MS4A7: variants seen among roughly 807,000 people sequenced by gnomAD.
MS4A7 encodes membrane spanning 4-domains A7.
A neutral mutation model predicts 23.5 loss-of-function variants in MS4A7; 21 were observed. The observed-to-expected ratio is 0.89, with a 90% CI of 0.63 to 1.29. MS4A7 has a LOEUF of 1.29. MS4A7 is among the 50% of genes most tolerant of loss of function. MS4A7 has a pLI of 0.00. For synonymous variants in MS4A7, 111 were observed against 107.4 expected, an observed-to-expected ratio of 1.03 and a Z score of -0.21; for missense variants, 263 against 274.2, an observed-to-expected ratio of 0.96 and a Z score of 0.29.
chr11:60,390,642 T>C (rs1172326109), intron 5 of MS4A7, among the ~76,000 whole-genome samples: 3 of 152,012 alleles, frequency 2.0e-5, no homozygotes, highest in Non-Finnish European at 2.9e-5. Context: ...GACAGACATG[T>C]GGTAAAGCAA....
Position 60,395,205 on chromosome 11 carries a change from A to T in MS4A7, c.*1344A>T, listed in dbSNP as rs2085602080. ...TTATCTTGTCTGTTCTTTGTGTAAT[A>T]TGTTCTGTGTGAGCCTCTGCATTAA... is the stretch of plus-strand genomic sequence containing the variant. On this transcript the variant is annotated 3_prime_UTR_variant, in exon 7 of 7. Coordinates refer to ENST00000300184, the MANE Select transcript of MS4A7 (RefSeq NM_021201.5). 1 of 334,772 alleles carries T rather than the reference A, an allele frequency of 3.0e-6. No individual in the cohort carries two copies. The highest frequency in any genetic ancestry group is 2.1e-5 in the African/African-American group (1 of 47,340). 20.7% of individuals were successfully genotyped at this position (334,772 alleles called of 1,614,324 possible).
At chr11:60,382,317 C>T (rs886876951) in intron 1 of MS4A7, among the ~76,000 whole-genome samples, 2 of 152,204 alleles carry the variant, frequency 1.3e-5, no homozygotes, top group African/African-American at 4.8e-5. Context: ...CCAGACAAGT[C>T]TCAATCCAGT....
Position 60,385,116 on chromosome 11 carries a change from T to G in MS4A7, c.176T>G (p.Ile59Ser). The part of the protein sequence containing the change: ...GTVQILCCLL[I>S]SSLGAILVFA... ...GTCCAGATCCTGTGTTGCCTGTTGATTTCAAGTCTGGGGGCCATCTTGGTT... is the reference window on the plus strand; with the variant it reads ...GTCCAGATCCTGTGTTGCCTGTTGAGTTCAAGTCTGGGGGCCATCTTGGTT... The change falls in exon 3 of 7, where the codon ATT becomes AGT. Residue 59 changes from isoleucine to serine, a missense_variant. Coordinates refer to ENST00000300184, the MANE Select transcript of MS4A7 (RefSeq NM_021201.5). 1 of 1,614,084 alleles carries G rather than the reference T, an allele frequency of 6.2e-7. No individual in the cohort carries two copies.
intron 1 of MS4A7, among the ~76,000 whole-genome samples, chr11:60,379,387 C>T (rs2085404939): frequency 6.6e-6 from 1 of 152,126 alleles, no homozygotes; most frequent in Admixed American, 6.5e-5. Flanking sequence ...ATAGAAACCA[C>T]CTAAATAGTC....
At chr11:60,387,178 C>A (rs1161171246) in intron 4 of MS4A7, among the ~76,000 whole-genome samples, 2 of 152,210 alleles carry the variant, frequency 1.3e-5, no homozygotes, top group East Asian at 3.9e-4. Context: ...TTTTTGATGC[C>A]AAATGTCCCC....
chr11:60,383,336 A>G, intron 2 of MS4A7, 48 bp downstream of exon 2: 2 of 1,602,974 alleles, frequency 1.2e-6, no homozygotes, highest in Non-Finnish European at 1.7e-6. Context: ...TACTTTGTAA[A>G]TGTATCTAGA....
intron 4 of MS4A7, among the ~76,000 whole-genome samples, chr11:60,387,195 A>G (rs1238066558): frequency 6.6e-6 from 1 of 152,124 alleles, no homozygotes; most frequent in Non-Finnish European, 1.5e-5. Flanking sequence ...CCCCATTCAT[A>G]GAGTTGGGAC....
At chr11:60,381,924 GA>G (rs2085434181) in intron 1 of MS4A7, among the ~76,000 whole-genome samples, 1 of 152,074 alleles carries the variant, frequency 6.6e-6, no homozygotes, top group African/African-American at 2.4e-5. Context: ...ACTAGGAAGA[GA>G]TTCTAGGTGT....
chr11:60,392,605 C>G (rs926611055), intron 5 of MS4A7, 80 bp from the exon 6 acceptor site: 6 of 996,364 alleles, frequency 6.0e-6, no homozygotes, highest in African/African-American at 1.6e-5. Flanking sequence ...ATTGCTGGAG[C>G]CTCATCGCCC....
chr11:60,382,034 G>A (rs991591219), intron 1 of MS4A7, among the ~76,000 whole-genome samples: 1 of 152,238 alleles, frequency 6.6e-6, no homozygotes, highest in Admixed American at 6.5e-5. Flanking sequence ...CAGCAGAGCT[G>A]TGGCACCTTT....
intron 4 of MS4A7, among the ~76,000 whole-genome samples, 170 bp downstream of exon 4, chr11:60,386,943 C>A (rs1376709717): frequency 1.3e-5 from 2 of 152,158 alleles, no homozygotes; most frequent in Admixed American, 6.5e-5. Flanking sequence ...GAGTAGAGCC[C>A]AAATTTCTTG....
chr11:60,378,724 G>A (rs1411298175), intron 1 of MS4A7, 60 bp downstream of exon 1: 3 of 152,254 alleles, frequency 2.0e-5, no homozygotes, highest in African/African-American at 7.2e-5. Context: ...TGAAAAGACA[G>A]CCAGGGAATT....
At chr11:60,388,593 CT>C (rs1423423385) in intron 4 of MS4A7, among the ~76,000 whole-genome samples, 1 of 152,162 alleles carries the variant, frequency 6.6e-6, no homozygotes, top group Non-Finnish European at 1.5e-5. Context: ...CAGGATGTGG[CT>C]TTTCCCTAAA....
In MS4A7 at chr11:60,385,235, G is replaced by C; in HGVS notation, c.282+13G>C. The stretch of plus-strand genomic sequence containing the variant: ...AGGAGCTCTGTGTGTGAGTAGAATG[G>C]GGACTCTAAGAGGGGACATGCTTTA... On this transcript the variant is annotated intron_variant, in intron 3 of 6. Transcript: ENST00000300184. The C allele has an allele frequency of 3.1e-6, 5 of 1,613,938 alleles. No individual in the cohort carries two copies. Among genetic ancestry groups the C allele is most frequent in the Non-Finnish European group, 4.2e-6 (5 of 1,179,872 alleles).
rs1184824744 is a variant in MS4A7 at position 60,389,544 on chromosome 11, A to G, written c.494A>G (p.Tyr165Cys). Residue 165 changes from tyrosine to cysteine, a missense_variant, in exon 5 of 7, where the codon TAT becomes TGT. By Grantham distance (194) the Tyr-to-Cys change is radical. Transcript: ENST00000300184. Reference sequence around the variant, plus strand: ...TCCTCATTGCCTTATTCGGAGTACTATTATCCAATATATGAAATCAAAGAT... The same window carrying G: ...TCCTCATTGCCTTATTCGGAGTACTGTTATCCAATATATGAAATCAAAGAT... ...YLSSLPYSEY[Y>C]YPIYEIKDCL... 2.5e-6 allele frequency: 4 copies of G among 1,614,080 alleles called. No individual in the cohort carries two copies. The highest frequency in any genetic ancestry group is 1.7e-5 in the Admixed American group (1 of 60,020).
At chr11:60,393,447 CTG>C (rs2085575293) in intron 6 of MS4A7, among the ~76,000 whole-genome samples, 10 of 152,164 alleles carry the variant, frequency 6.6e-5, no homozygotes, top group Admixed American at 6.5e-4. Flanking sequence ...TAGAATGTCT[CTG>C]TCCTGTTTAT....
intron 4 of MS4A7, among the ~76,000 whole-genome samples, chr11:60,388,764 AG>A (rs2085517327): frequency 6.6e-6 from 1 of 152,258 alleles, no homozygotes; most frequent in African/African-American, 2.4e-5. Context: ...AGAGAAGCAC[AG>A]GGTCTAAGCC....
chr11:60,393,988 T>C lies in MS4A7; in HGVS notation c.*127T>C, dbSNP rs376378680. On this transcript the variant is annotated 3_prime_UTR_variant, in exon 7 of 7. Coordinates refer to ENST00000300184, the MANE Select transcript of MS4A7 (RefSeq NM_021201.5). The stretch of plus-strand genomic sequence containing the variant: ...ACTAAAAAAAAAAAAGCTTTTGTTT[T>C]GTATTTGTTTACTATGAGTCGTTAT... The C allele has an allele frequency of 2.1e-4, 116 of 543,550 alleles. 2 individuals carry two copies. In the South Asian group the frequency reaches 4.0e-3, roughly 19 times the overall value. 33.7% of individuals were successfully genotyped at this position (543,550 alleles called of 1,614,324 possible).
At chr11:60,383,889 A>G (rs1346779395) in intron 2 of MS4A7, among the ~76,000 whole-genome samples, 2 of 152,186 alleles carry the variant, frequency 1.3e-5, no homozygotes, top group East Asian at 1.9e-4. Context: ...TTTTCTATTT[A>G]ACCATATGGA....
Sources: gnomAD v4.1 joint callset for allele counts (sites outside exome capture counted in the v4.1 genomes callset) on GRCh38, gnomAD v4.1.1 for gene constraint, MANE v1.5 for transcripts, NCBI Gene and HGNC (gene_info 2026-07-23, HGNC 2026-07-21) for gene names.